Variants in ZFYVE9 observed in about 807,000 individuals in gnomAD.
ZFYVE9 encodes the protein zinc finger FYVE domain-containing protein 9.
Under a neutral mutation model 126.7 loss-of-function variants are expected in ZFYVE9, and 43 were observed. That is an observed-to-expected ratio of 0.34 (90% CI 0.27 to 0.44). The LOEUF (loss-of-function observed/expected upper bound fraction) is 0.44, where lower values mean the gene tolerates loss of function less well. ZFYVE9 is among the 20% of genes least tolerant of loss of function. ZFYVE9 has a pLI of 1.00. For missense variants in ZFYVE9, 1,476 were observed against 1,697.0 expected (o/e 0.87, Z 2.29); for synonymous variants, 521 against 597.4 (o/e 0.87, Z 1.87).
At chr1:52,172,847 A>G (rs1306890870) in intron 1 of ZFYVE9, among the ~76,000 whole-genome samples, 1 of 151,856 alleles carries the variant, frequency 6.6e-6, no homozygotes, top group East Asian at 1.9e-4. Flanking sequence ...TTGTACATTG[A>G]TTTTGTATCC....
At chr1:52,288,447 G>A (rs1410060333) in intron 10 of ZFYVE9, among the ~76,000 whole-genome samples, 2 of 152,158 alleles carry the variant, frequency 1.3e-5, no homozygotes, top group Admixed American at 6.5e-5. Context: ...TTACAGGCAT[G>A]AGTCACCTGA....
In ZFYVE9 at chr1:52,169,179, T is replaced by C. The variant is rs1159107856; in HGVS notation, c.-143+26776T>C. Among the ~76,000 whole-genome samples the C allele has an allele frequency of 2.0e-5, 3 of 152,102 alleles. No individual in the cohort carries two copies. The East Asian group carries it at 5.8e-4, about 29-fold the overall frequency. On this transcript the variant is annotated intron_variant, in intron 1 of 18. Transcript: ENST00000287727. The stretch of plus-strand genomic sequence containing the variant: ...ACTTTGGGAGGCAGAGGCGGGTAGA[T>C]TGCTTGAGTCCAGGAGTTTGAGACC...
At chr1:52,260,307 A>AT (rs1261435796) in intron 4 of ZFYVE9, among the ~76,000 whole-genome samples, 2 of 151,572 alleles carry the variant, frequency 1.3e-5, no homozygotes, top group Non-Finnish European at 2.9e-5. Context: ...CATTTTATTT[A>AT]TTTTTTCTGT....
intron 2 of ZFYVE9, among the ~76,000 whole-genome samples, chr1:52,224,875 C>T (rs1300067214): frequency 6.6e-6 from 1 of 152,140 alleles, no homozygotes; most frequent in African/African-American, 2.4e-5. Flanking sequence ...TGAACCTCCC[C>T]TTTTCCCACT....
chr1:52,336,368 G>GTT (rs34890800), intron 15 of ZFYVE9, among the ~76,000 whole-genome samples: 2 of 114,584 alleles, frequency 1.7e-5, no homozygotes, highest in Non-Finnish European at 3.4e-5. Context: ...GGTTTTTTTT[G>GTT]TTTTTTTTTT....
intron 13 of ZFYVE9, among the ~76,000 whole-genome samples, chr1:52,321,170 A>G (rs1646236628): frequency 6.6e-6 from 1 of 152,228 alleles, no homozygotes; most frequent in Admixed American, 6.5e-5. Context: ...AGCTTCTAAA[A>G]TAGGAGTTTT....
chr1:52,231,757 G>A (rs1204984406), intron 2 of ZFYVE9, among the ~76,000 whole-genome samples: 1 of 151,786 alleles, frequency 6.6e-6, no homozygotes, highest in Admixed American at 6.6e-5. Flanking sequence ...CTGAGTAGCT[G>A]GGACTACAGG....
intron 12 of ZFYVE9, among the ~76,000 whole-genome samples, chr1:52,302,753 G>GA (rs58132556): frequency 0.012 from 1,635 of 138,010 alleles, 18 homozygotes; most frequent in South Asian, 0.052. Flanking sequence ...TCTGTCTCAG[G>GA]AAAAAAAAAA....
At chr1:52,183,403 G>C (rs1250900930) in intron 1 of ZFYVE9, among the ~76,000 whole-genome samples, 2 of 152,164 alleles carry the variant, frequency 1.3e-5, no homozygotes, top group African/African-American at 2.4e-5. Flanking sequence ...GAAACTAAGA[G>C]ATTTTCTAGA....
intron 13 of ZFYVE9, among the ~76,000 whole-genome samples, chr1:52,319,402 A>T (rs1481734219): frequency 6.6e-6 from 1 of 152,146 alleles, no homozygotes; most frequent in Admixed American, 6.5e-5. Context: ...ATGTGGGCGG[A>T]TCACATGAGG....
intron 1 of ZFYVE9, among the ~76,000 whole-genome samples, chr1:52,197,727 A>G (rs1403711295): frequency 6.6e-6 from 1 of 152,256 alleles, no homozygotes; most frequent in African/African-American, 2.4e-5. Context: ...AGGACCAAAA[A>G]GTGTCCATTA....
At chr1:52,160,825 A>G (rs1193830465) in intron 1 of ZFYVE9, among the ~76,000 whole-genome samples, 1 of 152,234 alleles carries the variant, frequency 6.6e-6, no homozygotes, top group Non-Finnish European at 1.5e-5. Flanking sequence ...ATATTAACTG[A>G]AATTGAAAAC....
At position 52,237,544 on chromosome 1, in the gene ZFYVE9, C is replaced by G; in HGVS notation, c.127C>G (p.Pro43Ala). 6.2e-7 allele frequency: 1 copy of G among 1,613,902 alleles called. No homozygotes were observed. The highest frequency in any genetic ancestry group is 8.5e-7 in the Non-Finnish European group (1 of 1,179,868). The change falls in exon 4 of 19, where the codon CCT (proline) becomes GCT (alanine). Residue 43 changes from proline to alanine, a missense_variant. Physicochemically the swap from Pro to Ala is conservative, Grantham distance 27. Transcript: ENST00000287727. ...DTKWNKILDPPSHRLSFNPTL... is the reference protein window; with the variant it reads ...DTKWNKILDPASHRLSFNPTL... ...AAAGTGGAATAAGATTCTAGATCCC[C>G]CTTCTCACCGGCTGTCATTTAACCC...
chr1:52,262,346 C>G (rs904639212), intron 4 of ZFYVE9, among the ~76,000 whole-genome samples: 2 of 152,140 alleles, frequency 1.3e-5, no homozygotes, highest in Admixed American at 6.5e-5. Context: ...AAATGAGTGT[C>G]TTCATGGAAT....
chr1:52,209,958 G>A (rs964499516), intron 1 of ZFYVE9, among the ~76,000 whole-genome samples: 1 of 152,010 alleles, frequency 6.6e-6, no homozygotes, highest in East Asian at 2.0e-4. Flanking sequence ...TACAAAACAG[G>A]GGGCAGGGAG....
At chr1:52,172,629 A>G in intron 1 of ZFYVE9, among the ~76,000 whole-genome samples, 1 of 152,178 alleles carries the variant, frequency 6.6e-6, no homozygotes, top group East Asian at 1.9e-4. Flanking sequence ...GTTCCTACCC[A>G]TGAGCATGGA....
At chr1:52,287,675 A>T (rs1298147880) in intron 10 of ZFYVE9, among the ~76,000 whole-genome samples, 1 of 150,638 alleles carries the variant, frequency 6.6e-6, no homozygotes, top group Non-Finnish European at 1.5e-5. Flanking sequence ...CCTGGTCAAC[A>T]TAATGAGACC....
chr1:52,322,470 C>T (rs1014186188), intron 13 of ZFYVE9, among the ~76,000 whole-genome samples: 5 of 151,150 alleles, frequency 3.3e-5, no homozygotes, highest in East Asian at 1.9e-4. Context: ...TTCCGCCTCC[C>T]GGGTTCAAGC....
At chr1:52,217,601 G>A (rs1161361511) in intron 2 of ZFYVE9, among the ~76,000 whole-genome samples, 1 of 152,182 alleles carries the variant, frequency 6.6e-6, no homozygotes, top group African/African-American at 2.4e-5. Flanking sequence ...GTATGATACA[G>A]CAACCGACAA....
Sources: allele counts gnomAD v4.1 joint callset (sites outside exome capture counted in the v4.1 genomes callset), GRCh38; gene constraint gnomAD v4.1.1; transcripts MANE v1.5; gene names NCBI Gene and HGNC (gene_info 2026-07-23, HGNC 2026-07-21).